IL12RB2: variants seen among roughly 807,000 people sequenced by gnomAD.
The protein encoded by IL12RB2 is interleukin-12 receptor subunit beta-2.
In IL12RB2, 82 loss-of-function variants were observed where a neutral mutation model predicts 89.4. That is an observed-to-expected ratio of 0.92 (90% CI 0.77 to 1.10). The LOEUF (loss-of-function observed/expected upper bound fraction) is 1.10. Ranked by LOEUF, IL12RB2 falls within the 50% of genes least tolerant of loss-of-function variation. The probability of loss-of-function intolerance (pLI) is 0.00; values close to 1 mark genes in which losing one functional copy is unlikely to be tolerated. For missense variants in IL12RB2, 963 were observed against 1,031.9 expected, an observed-to-expected ratio of 0.93 and a Z score of 0.92; for synonymous variants, 368 against 370.1, an observed-to-expected ratio of 0.99 and a Z score of 0.07.
intron 15 of IL12RB2, among the ~76,000 whole-genome samples, chr1:67,389,780 G>C (rs1665609813): frequency 1.3e-5 from 2 of 152,210 alleles, no homozygotes; most frequent in Non-Finnish European, 2.9e-5. Flanking sequence ...TAGCTGGCTA[G>C]TGATAGATTG....
chr1:67,391,625 T>C (rs927070569), intron 16 of IL12RB2, among the ~76,000 whole-genome samples: 1 of 150,982 alleles, frequency 6.6e-6, no homozygotes, highest in African/African-American at 2.4e-5. Context: ...CATAAACATC[T>C]CTATGAGGTC....
chr1:67,367,991 G>T lies in IL12RB2; in HGVS notation c.1425G>T (p.Arg475=). The T allele has an allele frequency of 6.2e-7, 1 of 1,609,750 alleles. No individual in the cohort carries two copies. The highest frequency in any genetic ancestry group is 8.5e-7 in the Non-Finnish European group (1 of 1,176,030). ...CACAGGTCCCTCTAAACTGGCTACG[G>T]AGTCGACCCTACAATGTGTCTGCTC... The part of the protein sequence containing the change: ...GDTQVPLNWL[R]SRPYNVSALI... The change falls in exon 11 of 17, where the codon CGG becomes CGT. Residue 475 remains arginine (R), a synonymous_variant. Coordinates refer to ENST00000674203, the MANE Select transcript of IL12RB2 (RefSeq NM_001374259.2).
At chr1:67,344,807 C>A (rs938285360) in intron 9 of IL12RB2, among the ~76,000 whole-genome samples, 2 of 152,030 alleles carry the variant, frequency 1.3e-5, no homozygotes, top group African/African-American at 4.8e-5. Context: ...GTTTCAAGGG[C>A]TCCATGACTT....
chr1:67,380,097 G>A lies in IL12RB2; in HGVS notation c.1829G>A (p.Gly610Glu). 1 of 1,614,212 alleles carries A rather than the reference G, an allele frequency of 6.2e-7. No individual in the cohort carries two copies. The highest frequency in any genetic ancestry group is 8.5e-7 in the Non-Finnish European group (1 of 1,180,038). Reference sequence around the variant, plus strand: ...ACAGCTGCTGGTGAAAGTTCCCACGGAAATGAGAGGGAATTTTGTCTGCAA... The same window carrying A: ...ACAGCTGCTGGTGAAAGTTCCCACGAAAATGAGAGGGAATTTTGTCTGCAA... The part of the protein sequence containing the change: ...ALTAAGESSH[G>E]NEREFCLQGK... The change falls in exon 14 of 17, where the codon GGA becomes GAA. Residue 610 changes from glycine to glutamate, a missense_variant. By Grantham distance (98) the Gly-to-Glu change is moderately conservative (BLOSUM62 -2). Coordinates refer to ENST00000674203, the MANE Select transcript of IL12RB2 (RefSeq NM_001374259.2).
intron 1 of IL12RB2, among the ~76,000 whole-genome samples, chr1:67,313,350 T>C (rs1216741280): frequency 6.6e-6 from 1 of 152,168 alleles, no homozygotes; most frequent in African/African-American, 2.4e-5. Flanking sequence ...CTTTACTAGA[T>C]AGATATCATA....
At position 67,395,819 on chromosome 1, in the gene IL12RB2, G is replaced by A. The variant is rs2100359464; in HGVS notation, c.2319G>A (p.Arg773=). The A allele has an allele frequency of 1.2e-6, 2 of 1,612,750 alleles. No homozygotes were observed. The highest frequency in any genetic ancestry group is 1.7e-5 in the Admixed American group (1 of 59,922). Residue 773 remains arginine (R), a synonymous_variant, in exon 17 of 17, where the codon AGG becomes AGA. Coordinates refer to ENST00000674203, the MANE Select transcript of IL12RB2 (RefSeq NM_001374259.2). ...LVDLYKVLES[R]GSDPKPENPA... ...ATCTGTACAAGGTGCTGGAGAGCAG[G>A]GGCTCCGACCCAAAGCCCGAAAACC...
At chr1:67,387,757 C>T (rs1665378651) in intron 15 of IL12RB2, among the ~76,000 whole-genome samples, 1 of 151,246 alleles carries the variant, frequency 6.6e-6, no homozygotes, top group Non-Finnish European at 1.5e-5. Flanking sequence ...TACCATGTTC[C>T]ATTTAAAAGG....
intron 1 of IL12RB2, 134 bp from the exon 2 acceptor site, chr1:67,313,779 T>C (rs1558291633): frequency 6.6e-6 from 1 of 152,436 alleles, no homozygotes; most frequent in South Asian, 2.1e-4. Context: ...TGATCCAAGA[T>C]GGTGCCATTG....
At chr1:67,338,297 A>T (rs1282048076) in intron 8 of IL12RB2, among the ~76,000 whole-genome samples, 1 of 135,560 alleles carries the variant, frequency 7.4e-6, no homozygotes, top group African/African-American at 2.7e-5. Flanking sequence ...CCACTGCATC[A>T]CTGCATTCCA....
chr1:67,317,849 T>C (rs950621638), intron 2 of IL12RB2, among the ~76,000 whole-genome samples: 2 of 152,216 alleles, frequency 1.3e-5, no homozygotes, highest in Admixed American at 6.5e-5. Context: ...CCTGCTCTTA[T>C]GGGGCTTATA....
chr1:67,370,457 C>T (rs1024837637), intron 11 of IL12RB2, among the ~76,000 whole-genome samples: 7 of 152,194 alleles, frequency 4.6e-5, no homozygotes, highest in Non-Finnish European at 2.9e-5. Flanking sequence ...GTTGGGGGCC[C>T]TCTTATGCCT....
chr1:67,330,116 T>A (rs1256172470), intron 7 of IL12RB2, among the ~76,000 whole-genome samples: 1 of 152,140 alleles, frequency 6.6e-6, no homozygotes, highest in Non-Finnish European at 1.5e-5. Flanking sequence ...AGGTCTACAA[T>A]TTAATATAAT....
At chr1:67,389,280 A>G (rs1227577542) in intron 15 of IL12RB2, among the ~76,000 whole-genome samples, 1 of 152,016 alleles carries the variant, frequency 6.6e-6, no homozygotes, top group East Asian at 1.9e-4. Context: ...GAGAAAACCT[A>G]GTCACATGGC....
chr1:67,379,339 A>C (rs1664319696), intron 13 of IL12RB2, among the ~76,000 whole-genome samples: 1 of 148,332 alleles, frequency 6.7e-6, no homozygotes, highest in Non-Finnish European at 1.5e-5. Flanking sequence ...GTGAAACCCC[A>C]TCACTACTAA....
intron 10 of IL12RB2, among the ~76,000 whole-genome samples, chr1:67,362,367 C>A (rs1396229871): frequency 6.7e-6 from 1 of 149,076 alleles, no homozygotes; most frequent in Non-Finnish European, 1.5e-5. Flanking sequence ...GAGATCGAGA[C>A]CATCCTGGCT....
chr1:67,331,774 G>A (rs1035794293), intron 8 of IL12RB2, among the ~76,000 whole-genome samples: 12 of 152,112 alleles, frequency 7.9e-5, no homozygotes, highest in Admixed American at 4.6e-4. Flanking sequence ...AGGAGGCAAA[G>A]GTTGCAATGA....
At chr1:67,318,259 G>A (rs948530522) in intron 2 of IL12RB2, among the ~76,000 whole-genome samples, 4 of 152,234 alleles carry the variant, frequency 2.6e-5, no homozygotes, top group Admixed American at 2.6e-4. Context: ...CCATGCAGTG[G>A]CTGAGAGATT....
chr1:67,389,408 A>T (rs1665568083), intron 15 of IL12RB2, among the ~76,000 whole-genome samples: 1 of 152,036 alleles, frequency 6.6e-6, no homozygotes, highest in Non-Finnish European at 1.5e-5. Context: ...CATGAACTTT[A>T]AAAAAAATAA....
intron 1 of IL12RB2, among the ~76,000 whole-genome samples, chr1:67,310,079 G>A (rs905005375): frequency 6.6e-6 from 1 of 151,246 alleles, no homozygotes; most frequent in African/African-American, 2.4e-5. Flanking sequence ...AGCTACTCGG[G>A]AGGTTGAGAC....
Sources: gnomAD v4.1 joint callset for allele counts (sites outside exome capture counted in the v4.1 genomes callset) on GRCh38, gnomAD v4.1.1 for gene constraint, MANE v1.5 for transcripts, NCBI Gene and HGNC (gene_info 2026-07-23, HGNC 2026-07-21) for gene names.